ZDHHC17: variants seen among roughly 807,000 people sequenced by gnomAD.
ZDHHC17 encodes the protein palmitoyltransferase ZDHHC17.
ZDHHC17 carries 40 observed loss-of-function variants against 90.3 expected under a neutral mutation model. The ratio of observed to expected loss-of-function variants is 0.44; its 90% CI spans 0.34 to 0.58. ZDHHC17 has a LOEUF of 0.58. Ranked by LOEUF, ZDHHC17 falls within the 20% of genes least tolerant of loss-of-function variation. The pLI, the probability that ZDHHC17 is intolerant of heterozygous loss-of-function variation, is 0.01. For synonymous variants in ZDHHC17, 235 were observed against 252.4 expected (o/e 0.93, Z 0.65); for missense variants, 614 against 780.8 (o/e 0.79, Z 2.55).
At chr12:76,781,410 G>A (rs1421625322) in intron 1 of ZDHHC17, among the ~76,000 whole-genome samples, 1 of 152,330 alleles carries the variant, frequency 6.6e-6, no homozygotes, top group Non-Finnish European at 1.5e-5. Flanking sequence ...TAAAACTTAT[G>A]TTGAAAGTTA....
chr12:76,795,444 T>A (rs529354397), intron 1 of ZDHHC17, among the ~76,000 whole-genome samples: 40 of 152,214 alleles, frequency 2.6e-4, no homozygotes, highest in Non-Finnish European at 5.3e-4. Context: ...TATATTATTC[T>A]GTTCTCCCTG....
intron 1 of ZDHHC17, among the ~76,000 whole-genome samples, chr12:76,796,849 T>G (rs1180429327): frequency 1.3e-5 from 2 of 152,042 alleles, no homozygotes; most frequent in African/African-American, 4.8e-5. Context: ...GGTAAGAGAG[T>G]TCTGTGGAGC....
intron 1 of ZDHHC17, among the ~76,000 whole-genome samples, chr12:76,774,545 T>G (rs1396364539): frequency 9.2e-5 from 14 of 152,210 alleles, no homozygotes; most frequent in Non-Finnish European, 1.5e-5. Flanking sequence ...ATTTGTATTA[T>G]CTGTAAATCT....
At chr12:76,791,188 T>C (rs1050903745) in intron 1 of ZDHHC17, among the ~76,000 whole-genome samples, 2 of 152,252 alleles carry the variant, frequency 1.3e-5, no homozygotes, top group Non-Finnish European at 2.9e-5. Context: ...CAATGTTAAC[T>C]AATTACATTT....
chr12:76,836,915 G>A (rs1214783280), intron 10 of ZDHHC17, among the ~76,000 whole-genome samples: 2 of 152,130 alleles, frequency 1.3e-5, no homozygotes, highest in African/African-American at 2.4e-5. Context: ...ATGGTAAAAA[G>A]CATTAGCAAT....
chr12:76,770,320 G>T (rs775413013), intron 1 of ZDHHC17, among the ~76,000 whole-genome samples: 4 of 152,112 alleles, frequency 2.6e-5, no homozygotes, highest in Non-Finnish European at 4.4e-5. Context: ...GAGAAGATGG[G>T]CAGAGGACTT....
chr12:76,836,768 A>G (rs1396443275), intron 10 of ZDHHC17, among the ~76,000 whole-genome samples: 1 of 152,130 alleles, frequency 6.6e-6, no homozygotes, highest in African/African-American at 2.4e-5. Context: ...TGAGCGACCT[A>G]TGGTAAAATC....
At chr12:76,836,461 T>G (rs909257265) in intron 10 of ZDHHC17, among the ~76,000 whole-genome samples, 7 of 152,112 alleles carry the variant, frequency 4.6e-5, no homozygotes, top group African/African-American at 1.4e-4. Context: ...TAATTAGAGC[T>G]ATTTTCTAAT....
chr12:76,804,232 A>G (rs1055477843), intron 2 of ZDHHC17, among the ~76,000 whole-genome samples: 14 of 152,218 alleles, frequency 9.2e-5, no homozygotes, highest in African/African-American at 3.4e-4. Context: ...ATGTTGTATT[A>G]TCCTTTGTGT....
intron 13 of ZDHHC17, chr12:76,846,210 AT>A (rs1454923484): frequency 1.3e-5 from 3 of 237,892 alleles, no homozygotes; most frequent in Admixed American, 5.1e-5. Context: ...TGCCCCGGAG[AT>A]TTTATGAGGT....
At chr12:76,821,785 T>G (rs753301189) in intron 7 of ZDHHC17, among the ~76,000 whole-genome samples, 14 of 152,204 alleles carry the variant, frequency 9.2e-5, no homozygotes, top group Non-Finnish European at 2.9e-5. Context: ...ATTCCTATCA[T>G]GTAAATTCCC....
chr12:76,825,882 C>T (rs1271799382), intron 8 of ZDHHC17, among the ~76,000 whole-genome samples: 1 of 152,134 alleles, frequency 6.6e-6, no homozygotes, highest in Non-Finnish European at 1.5e-5. Flanking sequence ...CCCAGGCTCA[C>T]GACAGCCTTG....
chr12:76,853,585 GTTA>G lies in ZDHHC17; in HGVS notation c.*2603_*2605del, dbSNP rs1478216796. On this transcript the variant is annotated 3_prime_UTR_variant, in exon 17 of 17. Coordinates refer to ENST00000426126, the MANE Select transcript of ZDHHC17 (RefSeq NM_015336.4). ...CAAGTATTATTTTGCTACTTACCGTGTTATTCTGTGGAAAGAAAAACCTGTAAA... is the reference window on the plus strand; with the variant it reads ...CAAGTATTATTTTGCTACTTACCGTGTTCTGTGGAAAGAAAAACCTGTAAA... The G allele has an allele frequency of 1.3e-5, 2 of 152,088 alleles. No individual in the cohort carries two copies. Among genetic ancestry groups the G allele is most frequent in the Admixed American group, 1.3e-4 (2 of 15,224 alleles). 9.4% of individuals were successfully genotyped at this position (152,088 alleles called of 1,614,324 possible). A position where few individuals can be genotyped will look rare whatever the true frequency, so the allele number is the denominator to read the frequency against.
In ZDHHC17 at chr12:76,809,757, C is replaced by G. The variant is rs1483061768; in HGVS notation, c.443C>G (p.Ala148Gly). The change falls in exon 5 of 17, where the codon GCA becomes GGA. Residue 148 changes from alanine (A) to glycine (G), a missense_variant. Physicochemically the swap from Ala to Gly is moderately conservative, Grantham distance 60. This residue lies in a region of ZDHHC17 where 358 missense variants were observed against 380.4 expected (regional missense o/e 0.94). Transcript: ENST00000426126. ...SMVVQLMKYGADPSLIDGEGC... is the reference protein window; with the variant it reads ...SMVVQLMKYGGDPSLIDGEGC... The stretch of plus-strand genomic sequence containing the variant: ...GTTGTGCAACTAATGAAATATGGTG[C>G]AGATCCTTCATTAATTGATGGAGAA... The G allele has an allele frequency of 6.3e-7, 1 of 1,597,672 alleles. No individual in the cohort carries two copies. The highest frequency in any genetic ancestry group is 1.4e-5 in the African/African-American group (1 of 73,986).
intron 15 of ZDHHC17, 113 bp from the exon 16 acceptor site, chr12:76,849,263 A>T: frequency 1.8e-6 from 1 of 548,510 alleles, no homozygotes; most frequent in South Asian, 2.8e-5. Flanking sequence ...AGCCCACCCA[A>T]GAGGGAGCTG....
At chr12:76,815,420 T>A (rs1953074248) in intron 6 of ZDHHC17, among the ~76,000 whole-genome samples, 1 of 151,840 alleles carries the variant, frequency 6.6e-6, no homozygotes, top group Non-Finnish European at 1.5e-5. Flanking sequence ...TGTTTCTCTT[T>A]TAACAATATC....
chr12:76,805,243 C>A lies in ZDHHC17; in HGVS notation c.198-74C>A, dbSNP rs1952941703. ...TAGTATCAAAATGAGGAATTATTTT[C>A]ATCTCAAAATGTTATTTTTAACTTT... On this transcript the variant is annotated intron_variant, in intron 2 of 16. Transcript: ENST00000426126. The A allele has an allele frequency of 1.0e-5, 13 of 1,302,906 alleles. No individual in the cohort carries two copies. The East Asian group carries it at 3.1e-4, about 31-fold the overall frequency. 80.7% of individuals were successfully genotyped at this position (1,302,906 alleles called of 1,614,324 possible).
At chr12:76,769,463 A>G (rs1592454693) in intron 1 of ZDHHC17, among the ~76,000 whole-genome samples, 2 of 152,332 alleles carry the variant, frequency 1.3e-5, no homozygotes, top group East Asian at 1.9e-4. Context: ...ATTTGTACAC[A>G]TATAAGGTAA....
At position 76,824,767 on chromosome 12, in the gene ZDHHC17, C is replaced by T. The variant is rs552356187; in HGVS notation, c.898-2141C>T. On this transcript the variant is annotated intron_variant, in intron 8 of 16. Coordinates refer to ENST00000426126, the MANE Select transcript of ZDHHC17 (RefSeq NM_015336.4). ...CAGAGGCAGGAGGATTGGTTGAGCC[C>T]GGAAGGTTGAGGCTGCAGTGAGCCA... Among the ~76,000 whole-genome samples the T allele has an allele frequency of 1.7e-4, 25 of 151,022 alleles. No homozygotes were observed. The South Asian group carries it at 3.4e-3, about 20-fold the overall frequency.
Sources: allele counts gnomAD v4.1 joint callset (sites outside exome capture counted in the v4.1 genomes callset), GRCh38; gene constraint gnomAD v4.1.1; regional missense constraint gnomAD v4.1.1; transcripts MANE v1.5; gene names NCBI Gene and HGNC (gene_info 2026-07-23, HGNC 2026-07-21).